The following HDAC4 variants were observed in gnomAD, a reference collection of about 807,000 sequenced individuals.
HDAC4 encodes the protein histone deacetylase A.
In HDAC4, 16 loss-of-function variants were observed where a neutral mutation model predicts 135.1. The observed-to-expected ratio is 0.12, with a 90% CI of 0.08 to 0.18. The LOEUF is 0.18. Among genes scored for constraint, HDAC4 ranks in the 10% least tolerant of loss-of-function variants. The pLI, the probability that HDAC4 is intolerant of heterozygous loss-of-function variation, is 1.00. For missense variants in HDAC4, 1,143 were observed against 1,511.8 expected (o/e 0.76, Z 4.05); for synonymous variants, 685 against 653.4 (o/e 1.05, Z -0.74).
rs916101240 is a variant in HDAC4 at position 239,400,123 on chromosome 2, C to T, written c.-220+855G>A. ...GCAACGCCGGCAAACGCGGATCCCA[C>T]CCCCGAGCGGGACCGGGCCCCGTCT... On this transcript the variant is annotated intron_variant, in intron 1 of 26. Coordinates refer to ENST00000543185, the MANE Select transcript of HDAC4 (RefSeq NM_001378414.1). The surrounding 1 kb of genome is among the most constrained non-coding windows in gnomAD (Gnocchi z 4.7). 6.6e-6 allele frequency among the ~76,000 whole-genome samples: 1 copy of T among 151,970 alleles called. No homozygotes were observed. The highest frequency in any genetic ancestry group is 1.5e-5 in the Non-Finnish European group (1 of 67,940).
At chr2:239,338,326 C>T (rs1207832203) in intron 2 of HDAC4, among the ~76,000 whole-genome samples, 1 of 152,116 alleles carries the variant, frequency 6.6e-6, no homozygotes, top group Non-Finnish European at 1.5e-5. Context: ...ACTGGGGCAG[C>T]GGCAGCCTCT....
chr2:239,188,032 C>A (rs1177673841), intron 4 of HDAC4, among the ~76,000 whole-genome samples: 2 of 152,234 alleles, frequency 1.3e-5, no homozygotes, highest in Admixed American at 6.5e-5. Flanking sequence ...GGCAACGGTG[C>A]CAAGTCCAAA....
intron 3 of HDAC4, among the ~76,000 whole-genome samples, chr2:239,236,370 C>G (rs1195080674): frequency 6.6e-6 from 1 of 152,158 alleles, no homozygotes; most frequent in Non-Finnish European, 1.5e-5. Flanking sequence ...AAAAAAACAA[C>G]AAAAAATCAG....
rs117429797 is a variant in HDAC4, at chr2:239,248,150, C to T, written c.23-11486G>A. On this transcript the variant is annotated intron_variant, in intron 2 of 26. Transcript: ENST00000543185. ...CTGCTCCAAGGTGCTTCAGCCAACA[C>T]GCCCCTTGGGTTGAAAGACTTACTC... 5.3e-4 allele frequency among the ~76,000 whole-genome samples: 80 copies of T among 152,152 alleles called. 1 individual carries two copies. The East Asian group carries it at 0.015, about 29-fold the overall frequency.
At chr2:239,391,582 T>C (rs1486355440) in intron 1 of HDAC4, among the ~76,000 whole-genome samples, 1 of 152,238 alleles carries the variant, frequency 6.6e-6, no homozygotes, top group East Asian at 1.9e-4. Context: ...AGACACTCAC[T>C]CAGCAGATGA....
intron 22 of HDAC4, among the ~76,000 whole-genome samples, chr2:239,073,309 C>T (rs1008438035): frequency 6.6e-6 from 1 of 152,220 alleles, no homozygotes; most frequent in Non-Finnish European, 1.5e-5. Flanking sequence ...GACACAGGAG[C>T]TGTGCCCCGA....
At chr2:239,214,324 C>T (rs936222654) in intron 3 of HDAC4, among the ~76,000 whole-genome samples, 2 of 152,172 alleles carry the variant, frequency 1.3e-5, no homozygotes, top group South Asian at 2.1e-4. Context: ...CCTCTGACTC[C>T]GATCCTCTTG....
At chr2:239,254,606 A>G (rs2048957953) in intron 2 of HDAC4, among the ~76,000 whole-genome samples, 1 of 152,242 alleles carries the variant, frequency 6.6e-6, no homozygotes, top group African/African-American at 2.4e-5. Context: ...ATAACTAACC[A>G]GAATGCAGCA....
intron 22 of HDAC4, among the ~76,000 whole-genome samples, chr2:239,069,780 C>A (rs533207122): frequency 6.6e-6 from 1 of 151,076 alleles, no homozygotes; most frequent in African/African-American, 2.4e-5. Context: ...AGCCCCACTG[C>A]ACTTGCTTGG....
intron 3 of HDAC4, among the ~76,000 whole-genome samples, chr2:239,206,217 A>T (rs1176807453): frequency 6.6e-6 from 1 of 152,090 alleles, no homozygotes; most frequent in African/African-American, 2.4e-5. Context: ...GGTTCCAGCT[A>T]CTCAGGAGGC....
At chr2:239,227,982 T>C (rs2047338410) in intron 3 of HDAC4, among the ~76,000 whole-genome samples, 1 of 152,312 alleles carries the variant, frequency 6.6e-6, no homozygotes, top group Non-Finnish European at 1.5e-5. Flanking sequence ...CTTCCCAGCA[T>C]CAGCTGGGCT....
intron 7 of HDAC4, 138 bp downstream of exon 7, chr2:239,156,514 A>T: frequency 9.4e-7 from 1 of 1,060,588 alleles, no homozygotes; most frequent in Non-Finnish European, 1.4e-6. Flanking sequence ...ACGATGCTCT[A>T]TGAAAGGAGA....
At chr2:239,079,352 G>A (rs1415930115) in intron 22 of HDAC4, among the ~76,000 whole-genome samples, 1 of 152,222 alleles carries the variant, frequency 6.6e-6, no homozygotes, top group Non-Finnish European at 1.5e-5. Flanking sequence ...CCACTGAGGA[G>A]CAGATGAACT....
intron 1 of HDAC4, among the ~76,000 whole-genome samples, chr2:239,387,601 A>G (rs867746472): frequency 1.1e-3 from 166 of 152,320 alleles, no homozygotes; most frequent in African/African-American, 3.9e-3. Flanking sequence ...CTTGTGCCCC[A>G]GCTGACAGGG....
intron 2 of HDAC4, among the ~76,000 whole-genome samples, chr2:239,351,330 C>T (rs1282430917): frequency 1.3e-5 from 2 of 152,160 alleles, no homozygotes; most frequent in South Asian, 2.1e-4. Context: ...CATACTGATA[C>T]CAAAAGATGC....
At chr2:239,081,789 A>T (rs2035358439) in intron 21 of HDAC4, among the ~76,000 whole-genome samples, 1 of 152,172 alleles carries the variant, frequency 6.6e-6, no homozygotes, top group African/African-American at 2.4e-5. Context: ...CCTGTGGAAG[A>T]CAGTGGCCTG....
chr2:239,058,756 A>G (rs923053141), intron 24 of HDAC4, among the ~76,000 whole-genome samples: 1 of 152,262 alleles, frequency 6.6e-6, no homozygotes, highest in South Asian at 2.1e-4. Context: ...GAAGACAAGA[A>G]TATGTGTGTC....
At chr2:239,358,976 A>C (rs1451035472) in intron 1 of HDAC4, among the ~76,000 whole-genome samples, 1 of 152,216 alleles carries the variant, frequency 6.6e-6, no homozygotes, top group Non-Finnish European at 1.5e-5. Context: ...CTTGGTTAGC[A>C]TATGTATTTC....
intron 4 of HDAC4, among the ~76,000 whole-genome samples, chr2:239,187,845 C>T (rs544723369): frequency 1.3e-5 from 2 of 152,148 alleles, no homozygotes; most frequent in African/African-American, 2.4e-5. Context: ...GGACAAGTGA[C>T]GTGTTTGTTA....
Sources: allele counts gnomAD v4.1 joint callset (sites outside exome capture counted in the v4.1 genomes callset), GRCh38; gene constraint gnomAD v4.1.1; non-coding constraint Gnocchi (gnomAD v3.1); transcripts MANE v1.5; gene names NCBI Gene and HGNC (gene_info 2026-07-23, HGNC 2026-07-21).